ST3GAL1: variants seen among roughly 807,000 people sequenced by gnomAD.
ST3GAL1 encodes the protein CMP-N-acetylneuraminate-beta-galactosamide-alpha-2,3-sialyltransferase 1.
A neutral mutation model predicts 34.1 loss-of-function variants in ST3GAL1; 16 were observed. That is an observed-to-expected ratio of 0.47 (90% CI 0.32 to 0.71). The LOEUF is 0.71. Ranked by LOEUF, ST3GAL1 falls within the 30% of genes least tolerant of loss-of-function variation. The pLI, the probability that ST3GAL1 is intolerant of heterozygous loss-of-function variation, is 0.04. For synonymous variants in ST3GAL1, 191 were observed against 184.7 expected (o/e 1.03, Z -0.28); for missense variants, 353 against 447.4 (o/e 0.79, Z 1.90).
At chr8:133,515,012 C>T (rs1425746327) in intron 2 of ST3GAL1, among the ~76,000 whole-genome samples, 3 of 152,188 alleles carry the variant, frequency 2.0e-5, no homozygotes, top group African/African-American at 7.2e-5. Context: ...TCATATTTCA[C>T]AGCCCAGATG....
chr8:133,512,434 T>C (rs1817523016), intron 2 of ST3GAL1, among the ~76,000 whole-genome samples: 1 of 152,226 alleles, frequency 6.6e-6, no homozygotes, highest in South Asian at 2.1e-4. Flanking sequence ...TGGTGCCCAT[T>C]CAGATTGAGG....
Position 133,459,909 on chromosome 8 carries a change from C to T in ST3GAL1, c.878G>A (p.Ser293Asn). 2 of 1,613,588 alleles carry T rather than the reference C, an allele frequency of 1.2e-6. No individual in the cohort carries two copies. Among genetic ancestry groups the T allele is most frequent in the Non-Finnish European group, 1.7e-6 (2 of 1,179,736 alleles). ...EVDLYGFGAD[S>N]KGNWHHYWEN... ...CCAGTAGTGGTGCCAGTTCCCTTTG[C>T]TGTCTGCCCCGAAGCCGTACAAGTC... Residue 293 changes from serine (S) to asparagine (N), a missense_variant, in exon 10 of 10, where the codon AGC becomes AAC. Physicochemically the swap from Ser to Asn is conservative, Grantham distance 46. Transcript: ENST00000522652. The surrounding 1 kb of genome is among the most constrained non-coding windows in gnomAD (Gnocchi z 4.7).
intron 2 of ST3GAL1, among the ~76,000 whole-genome samples, chr8:133,523,178 G>A (rs2945735): frequency 0.28 from 42,915 of 151,772 alleles, 6,904 homozygotes; most frequent in Middle Eastern, 0.37. Context: ...GTGGCTTCTG[G>A]GAGCAGGGGA....
At chr8:133,551,332 A>G (rs907376913) in intron 1 of ST3GAL1, among the ~76,000 whole-genome samples, 5 of 151,810 alleles carry the variant, frequency 3.3e-5, no homozygotes, top group African/African-American at 9.7e-5. Context: ...GCTAGGTGTG[A>G]TGGTGTGCAC....
intron 2 of ST3GAL1, among the ~76,000 whole-genome samples, chr8:133,537,679 T>C (rs1818347800): frequency 6.6e-6 from 1 of 152,128 alleles, no homozygotes; most frequent in Non-Finnish European, 1.5e-5. Flanking sequence ...TGCACATCCC[T>C]GCAGCATCCA....
rs369048744 is a variant in ST3GAL1, at chr8:133,475,931, T to C, written c.94A>G (p.Met32Val). The C allele has an allele frequency of 1.5e-5, 24 of 1,613,652 alleles. No homozygotes were observed. The East Asian group carries it at 3.8e-4, about 25-fold the overall frequency. ...TTGGGGAACCAGGTGGTGGCCACCA[T>C]GGTGTGGGAGTAGTTCAGGAAGAAG... ...TSFFLNYSHTMVATTWFPKQM... is the reference protein window; with the variant it reads ...TSFFLNYSHTVVATTWFPKQM... Residue 32 changes from methionine to valine, a missense_variant, in exon 5 of 10, where the codon ATG becomes GTG. Physicochemically the swap from Met to Val is conservative, Grantham distance 21 (BLOSUM62 1). Coordinates refer to ENST00000522652, the MANE Select transcript of ST3GAL1 (RefSeq NM_173344.3).
Position 133,571,177 on chromosome 8 carries a change from A to G in ST3GAL1, c.-582+516T>C, listed in dbSNP as rs1052368381. ...TACTGTCCCACGGCCGCTCGTCCAGAACACTGGCGGCCTCCGCGGTGTCCC... is the reference window on the plus strand; with the variant it reads ...TACTGTCCCACGGCCGCTCGTCCAGGACACTGGCGGCCTCCGCGGTGTCCC... On this transcript the variant is annotated intron_variant, in intron 1 of 9. Coordinates refer to ENST00000522652, the MANE Select transcript of ST3GAL1 (RefSeq NM_173344.3). This position sits in a 1 kb window ranked among gnomAD's most constrained non-coding sequence, Gnocchi z 6.7. Among the ~76,000 whole-genome samples, 1 of 152,176 alleles carries G rather than the reference A, an allele frequency of 6.6e-6. No individual in the cohort carries two copies. Among genetic ancestry groups the G allele is most frequent in the Non-Finnish European group, 1.5e-5 (1 of 68,028 alleles).
intron 3 of ST3GAL1, among the ~76,000 whole-genome samples, chr8:133,491,188 T>A (rs1816773010): frequency 6.6e-6 from 1 of 152,108 alleles, no homozygotes; most frequent in African/African-American, 2.4e-5. Flanking sequence ...GCGAATATGT[T>A]TTCATATTCA....
intron 2 of ST3GAL1, among the ~76,000 whole-genome samples, chr8:133,540,968 C>G (rs1360329191): frequency 8.5e-6 from 1 of 117,666 alleles, no homozygotes; most frequent in Admixed American, 8.4e-5. Flanking sequence ...TATATATAGA[C>G]ATATATATGC....
chr8:133,516,264 C>T (rs1266405502), intron 2 of ST3GAL1: 3 of 152,232 alleles, frequency 2.0e-5, no homozygotes, highest in Non-Finnish European at 4.4e-5. Context: ...CTTGTTCCCT[C>T]TCCCTCCATG....
intron 2 of ST3GAL1, among the ~76,000 whole-genome samples, chr8:133,543,623 G>A (rs1005768651): frequency 2.6e-5 from 4 of 151,872 alleles, no homozygotes; most frequent in African/African-American, 4.8e-5. Context: ...AAATGGAAAC[G>A]AATGCTCTGG....
At position 133,529,495 on chromosome 8, in the gene ST3GAL1, C is replaced by G. The variant is rs80296693; in HGVS notation, c.-429+16279G>C. Reference sequence around the variant, plus strand: ...GACAGGCAGACAGATGAACTCCCACCTGAAGGTGAGGACGCCAGGCGAGAG... The same window carrying G: ...GACAGGCAGACAGATGAACTCCCACGTGAAGGTGAGGACGCCAGGCGAGAG... On this transcript the variant is annotated intron_variant, in intron 2 of 9. Transcript: ENST00000522652. Among the ~76,000 whole-genome samples, 2,764 of 152,280 alleles carry G rather than the reference C, an allele frequency of 0.018. 142 individuals carry two copies. In the East Asian group the frequency reaches 0.21, roughly 12 times the overall value.
chr8:133,510,788 C>T (rs1817480003), intron 2 of ST3GAL1, among the ~76,000 whole-genome samples: 1 of 152,236 alleles, frequency 6.6e-6, no homozygotes, highest in African/African-American at 2.4e-5. Flanking sequence ...CTGACAGCGT[C>T]ATGTTGCCTG....
At chr8:133,567,127 C>T (rs1819426503) in intron 1 of ST3GAL1, 1 of 152,242 alleles carries the variant, frequency 6.6e-6, no homozygotes. Context: ...GAACACCCTT[C>T]TGTGGGTCTC....
chr8:133,564,519 T>TGCACACACACAC (rs370422296), intron 1 of ST3GAL1, among the ~76,000 whole-genome samples: 1 of 145,844 alleles, frequency 6.9e-6, no homozygotes, highest in Non-Finnish European at 1.5e-5. Context: ...AAAGAGAAAA[T>TGCACACACACAC]ACACACACAC....
At chr8:133,488,103 T>A (rs1222187246) in intron 3 of ST3GAL1, 2 of 152,038 alleles carry the variant, frequency 1.3e-5, no homozygotes, top group Non-Finnish European at 2.9e-5. Flanking sequence ...ATTTAATGTA[T>A]CAGCAGGCAT....
At chr8:133,549,872 G>A (rs1260317165) in intron 1 of ST3GAL1, among the ~76,000 whole-genome samples, 1 of 152,174 alleles carries the variant, frequency 6.6e-6, no homozygotes, top group Non-Finnish European at 1.5e-5. Flanking sequence ...TGAGGCAGGA[G>A]AATCGCTTGA....
intron 2 of ST3GAL1, among the ~76,000 whole-genome samples, chr8:133,502,474 T>C (rs1817213067): frequency 6.8e-6 from 1 of 147,250 alleles, no homozygotes; most frequent in African/African-American, 2.5e-5. Flanking sequence ...CATATGCACA[T>C]AAGAAAGCCA....
chr8:133,557,005 A>AC (rs1563741767), intron 1 of ST3GAL1, among the ~76,000 whole-genome samples: 1 of 151,578 alleles, frequency 6.6e-6, no homozygotes, highest in Non-Finnish European at 1.5e-5. Context: ...GTATGTGACA[A>AC]CCCCCCAACC....
Sources: gnomAD v4.1 joint callset for allele counts (sites outside exome capture counted in the v4.1 genomes callset) on GRCh38, gnomAD v4.1.1 for gene constraint, Gnocchi (gnomAD v3.1) non-coding constraint, MANE v1.5 for transcripts, NCBI Gene and HGNC (gene_info 2026-07-23, HGNC 2026-07-21) for gene names.